SHQ1: variants seen among roughly 807,000 people sequenced by gnomAD.
SHQ1 encodes protein SHQ1 homolog.
In SHQ1, 49 loss-of-function variants were observed where a neutral mutation model predicts 53.8. The observed-to-expected ratio is 0.91, with a 90% CI of 0.72 to 1.16. The LOEUF (loss-of-function observed/expected upper bound fraction) is 1.16, where lower values mean the gene tolerates loss of function less well. Ranked by LOEUF, SHQ1 falls within the 50% of genes most tolerant of loss-of-function variation. The pLI is 0.00. For synonymous variants in SHQ1, 243 were observed against 251.0 expected, an observed-to-expected ratio of 0.97 and a Z score of 0.30; for missense variants, 738 against 683.1, an observed-to-expected ratio of 1.08 and a Z score of -0.90.
At chr3:72,797,123 T>C (rs939196564) in intron 9 of SHQ1, among the ~76,000 whole-genome samples, 1 of 151,912 alleles carries the variant, frequency 6.6e-6, no homozygotes. Flanking sequence ...CCGGGCATGA[T>C]AGCAGGTGCC....
intron 10 of SHQ1, among the ~76,000 whole-genome samples, chr3:72,784,218 A>G (rs1706158955): frequency 6.6e-6 from 1 of 152,096 alleles, no homozygotes; most frequent in Non-Finnish European, 1.5e-5. Flanking sequence ...ATTCAAATAT[A>G]TAATTCTTTT....
chr3:72,749,680 A>C lies in SHQ1; in HGVS notation c.*604T>G, dbSNP rs1375442423. The C allele has an allele frequency of 9.5e-6, 2 of 209,784 alleles. No homozygotes were observed. Among genetic ancestry groups the C allele is most frequent in the Non-Finnish European group, 9.4e-6 (1 of 106,236 alleles). 13.0% of individuals were successfully genotyped at this position (209,784 alleles called of 1,614,324 possible). ...TATTGGGTGTCAAGTACACCTCCTA[A>C]AATAAAAATATTGATGGGCTCTACA... On this transcript the variant is annotated 3_prime_UTR_variant, in exon 11 of 11. Transcript: ENST00000325599.
intron 4 of SHQ1, among the ~76,000 whole-genome samples, chr3:72,840,560 C>CAAA (rs572046519): frequency 2.1e-5 from 2 of 97,376 alleles, no homozygotes; most frequent in African/African-American, 6.5e-5. Flanking sequence ...GACTCCGTCT[C>CAAA]AAAAAAAAAA....
At chr3:72,762,236 C>A (rs1416808860) in intron 10 of SHQ1, among the ~76,000 whole-genome samples, 1 of 152,162 alleles carries the variant, frequency 6.6e-6, no homozygotes, top group East Asian at 1.9e-4. Context: ...GAATGGCTCT[C>A]ATAAGGTTTA....
intron 10 of SHQ1, among the ~76,000 whole-genome samples, chr3:72,765,530 C>CATAT (rs10551107): frequency 1.5e-3 from 128 of 83,482 alleles, no homozygotes; most frequent in South Asian, 2.4e-3. Context: ...ATTCACATGA[C>CATAT]ATATATATAT....
At chr3:72,753,393 A>C in intron 10 of SHQ1, 1 of 985,440 alleles carries the variant, frequency 1.0e-6, no homozygotes, top group Non-Finnish European at 1.2e-6. Flanking sequence ...TGGTATTTTA[A>C]TCTGGGTGCC....
At chr3:72,793,166 AT>A in intron 9 of SHQ1, 130 bp from the exon 10 acceptor site, 1 of 779,992 alleles carries the variant, frequency 1.3e-6, no homozygotes, top group Non-Finnish European at 2.0e-6. Flanking sequence ...AAAAAAATTT[AT>A]GAGTCCTATT....
intron 8 of SHQ1, among the ~76,000 whole-genome samples, chr3:72,815,065 T>C (rs1227316589): frequency 6.6e-6 from 1 of 152,164 alleles, no homozygotes; most frequent in East Asian, 1.9e-4. Context: ...CAAGCTCCAA[T>C]ACATGCCAAC....
intron 10 of SHQ1, among the ~76,000 whole-genome samples, chr3:72,759,623 G>A (rs142966731): frequency 0.018 from 2,750 of 152,190 alleles, 79 homozygotes; most frequent in African/African-American, 0.06. Flanking sequence ...CCTGGGAGGC[G>A]GAGGTTGTAG....
intron 10 of SHQ1, among the ~76,000 whole-genome samples, chr3:72,778,550 C>A (rs1179930253): frequency 6.6e-6 from 1 of 152,128 alleles, no homozygotes; most frequent in Non-Finnish European, 1.5e-5. Context: ...ATTGTATACA[C>A]TTAATTTGCA....
At chr3:72,796,021 G>C (rs750944001) in intron 9 of SHQ1, among the ~76,000 whole-genome samples, 5 of 150,106 alleles carry the variant, frequency 3.3e-5, no homozygotes, top group Non-Finnish European at 7.4e-5. Flanking sequence ...GAGAATCACT[G>C]GACCCGGGGA....
intron 9 of SHQ1, among the ~76,000 whole-genome samples, chr3:72,799,694 A>G (rs886164415): frequency 1.3e-5 from 2 of 152,238 alleles, no homozygotes; most frequent in Non-Finnish European, 2.9e-5. Context: ...TATTTTGAGC[A>G]CAAACTTATA....
At chr3:72,841,721 T>A (rs1388242103) in intron 3 of SHQ1, among the ~76,000 whole-genome samples, 1 of 152,034 alleles carries the variant, frequency 6.6e-6, no homozygotes, top group Non-Finnish European at 1.5e-5. Flanking sequence ...ATCAAAGAGG[T>A]AAAGAGATAG....
the SHQ1 span, among the ~76,000 whole-genome samples, chr3:72,737,549 CA>C: frequency 1.3e-5 from 2 of 152,162 alleles, no homozygotes; most frequent in Non-Finnish European, 2.9e-5. Context: ...CCCAGGATAC[CA>C]AAATTTGCCA....
rs192321629 is a variant in SHQ1 at position 72,834,157 on chromosome 3, T to C, written c.487-1676A>G. Among the ~76,000 whole-genome samples, 843 of 152,322 alleles carry C rather than the reference T, an allele frequency of 5.5e-3. 8 individuals carry two copies. The highest frequency in any genetic ancestry group is 0.018 in the African/African-American group (752 of 41,576). On this transcript the variant is annotated intron_variant, in intron 4 of 10. Transcript: ENST00000325599. The stretch of plus-strand genomic sequence containing the variant: ...TTCTCTCATCCCTATCACAATCCAT[T>C]TAGCTTAAGTAGTATCAATAATATT...
chr3:72,831,088 A>G (rs1559694787), intron 5 of SHQ1, among the ~76,000 whole-genome samples: 1 of 152,238 alleles, frequency 6.6e-6, no homozygotes, highest in Non-Finnish European at 1.5e-5. Flanking sequence ...ATTGCTCTTC[A>G]GTGGACCTTT....
intron 10 of SHQ1, among the ~76,000 whole-genome samples, chr3:72,784,615 T>C (rs1042583869): frequency 1.1e-4 from 16 of 152,230 alleles, no homozygotes; most frequent in African/African-American, 3.9e-4. Flanking sequence ...ATGATTTTAA[T>C]CCAAGGTTTA....
At chr3:72,770,349 A>G (rs911597274) in intron 10 of SHQ1, among the ~76,000 whole-genome samples, 12 of 152,194 alleles carry the variant, frequency 7.9e-5, no homozygotes, top group Non-Finnish European at 1.5e-4. Flanking sequence ...ACTCTTAACC[A>G]TAATACTCTA....
chr3:72,750,942 G>A, intron 10 of SHQ1, 106 bp from the exon 11 acceptor site: 2 of 851,156 alleles, frequency 2.3e-6, no homozygotes, highest in South Asian at 3.8e-5. Context: ...TATTTTAAAT[G>A]GCACACCAGG....
Sources: gnomAD v4.1 joint callset for allele counts (sites outside exome capture counted in the v4.1 genomes callset) on GRCh38, gnomAD v4.1.1 for gene constraint, MANE v1.5 for transcripts, NCBI Gene and HGNC (gene_info 2026-07-23, HGNC 2026-07-21) for gene names.